The following ITIH3 variants were observed in gnomAD, a reference collection of about 807,000 sequenced individuals.
ITIH3 encodes inter-alpha-trypsin inhibitor heavy chain H3.
Under a neutral mutation model 96.5 loss-of-function variants are expected in ITIH3, and 81 were observed. The observed-to-expected ratio is 0.84, with a 90% confidence interval of 0.70 to 1.01. The LOEUF (loss-of-function observed/expected upper bound fraction) is 1.01, where lower values mean the gene tolerates loss of function less well. Ranked by LOEUF, ITIH3 falls within the 50% of genes least tolerant of loss-of-function variation. The pLI is 0.00. For missense variants in ITIH3, 1,057 were observed against 1,139.3 expected (o/e 0.93, Z 1.04); for synonymous variants, 422 against 445.2 (o/e 0.95, Z 0.66).
Position 52,801,015 on chromosome 3 carries a change from G to A in ITIH3, c.1252G>A (p.Gly418Ser), listed in dbSNP as rs1240868597. The change falls in exon 11 of 22, where the codon GGC becomes AGC. Residue 418 changes from glycine (G) to serine (S), a missense_variant. Gly to Ser is a moderately conservative substitution (Grantham distance 56, BLOSUM62 0). Coordinates refer to ENST00000449956, the MANE Select transcript of ITIH3 (RefSeq NM_002217.4). ...AGAGAATGTGCGGAATGCCATCGGG[G>A]GCAAGTTCCCCTTGTATAACCTGGG... The part of the protein sequence containing the change: ...IQENVRNAIG[G>S]KFPLYNLGFG... The A allele has an allele frequency of 3.1e-6, 5 of 1,613,926 alleles. No individual in the cohort carries two copies. The East Asian group carries it at 1.1e-4, about 36-fold the overall frequency.
intron 21 of ITIH3, 32 bp from the exon 22 acceptor site, chr3:52,808,520 C>A: frequency 6.2e-7 from 1 of 1,606,380 alleles, no homozygotes; most frequent in Non-Finnish European, 8.5e-7. Flanking sequence ...TTACCCACCC[C>A]GTGTATTGCA....
intron 9 of ITIH3, 146 bp from the exon 10 acceptor site, chr3:52,800,392 T>C: frequency 2.4e-6 from 2 of 850,816 alleles, no homozygotes; most frequent in East Asian, 2.7e-5. Context: ...GTTCATTCAT[T>C]GTTTGCTGAG....
At chr3:52,795,804 C>T (rs1360011241) in intron 2 of ITIH3, 181 bp downstream of exon 2, 2 of 588,996 alleles carry the variant, frequency 3.4e-6, no homozygotes, top group Non-Finnish European at 5.9e-6. Flanking sequence ...CACAGAGTGA[C>T]GACCCCTCCA....
chr3:52,795,677 G>C, intron 2 of ITIH3, 54 bp downstream of exon 2: 1 of 1,565,236 alleles, frequency 6.4e-7, no homozygotes, highest in Non-Finnish European at 8.8e-7. Context: ...GGATGGAGCT[G>C]GTTCCCCAAC....
At chr3:52,800,416 TG>T in intron 9 of ITIH3, 121 bp from the exon 10 acceptor site, 1 of 1,147,874 alleles carries the variant, frequency 8.7e-7, no homozygotes, top group Non-Finnish European at 1.2e-6. Flanking sequence ...CACCATGGGC[TG>T]GCAGATAGGG....
intron 5 of ITIH3, among the ~76,000 whole-genome samples, 190 bp from the exon 6 acceptor site, chr3:52,797,627 C>T (rs2154109446): frequency 6.6e-6 from 1 of 152,328 alleles, no homozygotes; most frequent in East Asian, 1.9e-4. Flanking sequence ...GGTGGTAACA[C>T]CTCCCGATCA....
intron 16 of ITIH3, 130 bp downstream of exon 16, chr3:52,805,970 C>A (rs377627653): frequency 1.4e-6 from 2 of 1,394,700 alleles, no homozygotes. Flanking sequence ...GAGGAGATTG[C>A]GGGGTGGGAG....
Position 52,796,649 on chromosome 3 carries a change from T to A in ITIH3, c.281+2T>A. ...GGCCTTCATCACCAACTTCACCTTGTGGGTACCACCATGGCTGCTGGCTCT... is the reference window on the plus strand; with the variant it reads ...GGCCTTCATCACCAACTTCACCTTGAGGGTACCACCATGGCTGCTGGCTCT... On this transcript the variant is annotated splice_donor_variant, in intron 3 of 21. Coordinates refer to ENST00000449956, the MANE Select transcript of ITIH3 (RefSeq NM_002217.4). LOFTEE classifies it high-confidence loss of function. The A allele has an allele frequency of 6.2e-7, 1 of 1,611,658 alleles. No homozygotes were observed. Among genetic ancestry groups the A allele is most frequent in the Admixed American group, 1.7e-5 (1 of 59,850 alleles).
intron 19 of ITIH3, 93 bp downstream of exon 19, chr3:52,807,198 C>G (rs1412629195): frequency 1.8e-6 from 2 of 1,091,088 alleles, no homozygotes; most frequent in African/African-American, 1.6e-5. Context: ...GACAGGAGAT[C>G]CATGGGGGTC....
At chr3:52,804,433 C>T (rs1699962935) in intron 14 of ITIH3, 1 of 461,798 alleles carries the variant, frequency 2.2e-6, no homozygotes, top group Non-Finnish European at 3.9e-6. Context: ...CCCCAGATTG[C>T]CCTACTCAAC....
chr3:52,797,191 A>G lies in ITIH3; in HGVS notation c.473A>G (p.Glu158Gly). The G allele has an allele frequency of 6.2e-7, 1 of 1,609,124 alleles. No homozygotes were observed. The highest frequency in any genetic ancestry group is 8.5e-7 in the Non-Finnish European group (1 of 1,177,940). Residue 158 changes from glutamate (E) to glycine (G), a missense_variant, in exon 5 of 22, where the codon GAG (glutamate) becomes GGG (glycine). By Grantham distance (98) the Glu-to-Gly change is moderately conservative. Transcript: ENST00000449956. ...SKVTFELTYE[E>G]LLKRHKGKYE... ...GTCACCTTCGAGCTAACCTACGAGG[A>G]GCTGCTGAAGAGGCACAAGGGCAAG... is the stretch of plus-strand genomic sequence containing the variant.
chr3:52,796,488 A>G lies in ITIH3; in HGVS notation c.122A>G (p.Asn41Ser), dbSNP rs569759721. Residue 41 changes from asparagine (N) to serine (S), a missense_variant, in exon 3 of 22, where the codon AAT becomes AGT. Asn to Ser is a conservative substitution (Grantham distance 46, BLOSUM62 1). Transcript: ENST00000449956. Reference sequence around the variant, plus strand: ...CCACCCACCTCCCCAAAGGTGGCCAATGGCATCGAGGTCTACAGTACCAAA... The same window carrying G: ...CCACCCACCTCCCCAAAGGTGGCCAGTGGCATCGAGGTCTACAGTACCAAA... The part of the protein sequence containing the change: ...GKRSLPEGVA[N>S]GIEVYSTKIN... 1.9e-5 allele frequency: 31 copies of G among 1,611,874 alleles called. No individual in the cohort carries two copies. The highest frequency in any genetic ancestry group is 1.3e-4 in the African/African-American group (10 of 74,976).
intron 15 of ITIH3, 52 bp downstream of exon 15, chr3:52,804,786 A>G: frequency 6.4e-7 from 1 of 1,566,042 alleles, no homozygotes; most frequent in Non-Finnish European, 8.7e-7. Flanking sequence ...GAGACAAGAG[A>G]GAACTGAGGA....
At position 52,803,947 on chromosome 3, in the gene ITIH3, T is replaced by G. The variant is rs1200784921; in HGVS notation, c.1802T>G (p.Met601Arg). Reference protein sequence around the residue: ...KYHFVTPLTSMVVTKPEDNED... With the variant: ...KYHFVTPLTSRVVTKPEDNED... ...CACTTTGTGACTCCACTGACCTCAA[T>G]GGTGGTGACCAAGCCTGAGGACAAC... The change falls in exon 14 of 22, where the codon ATG becomes AGG. Residue 601 changes from methionine to arginine, a missense_variant. Physicochemically the swap from Met to Arg is moderately conservative, Grantham distance 91 (BLOSUM62 -1). Coordinates refer to ENST00000449956, the MANE Select transcript of ITIH3 (RefSeq NM_002217.4). 1.9e-6 allele frequency: 3 copies of G among 1,613,854 alleles called. No homozygotes were observed. The African/African-American group carries it at 4.0e-5, about 22-fold the overall frequency.
At chr3:52,801,204 T>C (rs905169731) in intron 11 of ITIH3, 58 bp downstream of exon 11, 2 of 1,415,278 alleles carry the variant, frequency 1.4e-6, no homozygotes, top group African/African-American at 2.9e-5. Flanking sequence ...CTCAGACAGC[T>C]GCTCCATAAG....
chr3:52,800,717 CCTGGCTCTGTAG>C (rs2154109728), intron 10 of ITIH3, 54 bp downstream of exon 10: 1 of 1,578,886 alleles, frequency 6.3e-7, no homozygotes, highest in Non-Finnish European at 8.6e-7. Flanking sequence ...GGCTGCTGCT[CCTGGCTCTGTAG>C]CTGGCTCATT....
Position 52,796,512 on chromosome 3 carries a change from A to C in ITIH3, c.146A>C (p.Lys49Thr), listed in dbSNP as rs754735609. The C allele has an allele frequency of 3.1e-6, 5 of 1,613,060 alleles. No homozygotes were observed. The African/African-American group carries it at 6.7e-5, about 22-fold the overall frequency. The change falls in exon 3 of 22, where the codon AAA becomes ACA. Residue 49 changes from lysine (K) to threonine (T), a missense_variant. Coordinates refer to ENST00000449956, the MANE Select transcript of ITIH3 (RefSeq NM_002217.4). Reference sequence around the variant, plus strand: ...AATGGCATCGAGGTCTACAGTACCAAAATCAACTCCAAGGTGACCTCCCGT... The same window carrying C: ...AATGGCATCGAGGTCTACAGTACCACAATCAACTCCAAGGTGACCTCCCGT... ...VANGIEVYST[K>T]INSKVTSRFA...
chr3:52,794,986 G>A lies in ITIH3; in HGVS notation c.93+90G>A, dbSNP rs997877910. On this transcript the variant is annotated intron_variant, in intron 1 of 21. Coordinates refer to ENST00000449956, the MANE Select transcript of ITIH3 (RefSeq NM_002217.4). The stretch of plus-strand genomic sequence containing the variant: ...GCAAGGCCTCTGAGTGGAGTGAAGA[G>A]GAGGCAGAGGGCTGGGCACTGAGCT... 12 of 1,055,006 alleles carry A rather than the reference G, an allele frequency of 1.1e-5. No homozygotes were observed. The African/African-American group carries it at 1.6e-4, about 14-fold the overall frequency. 65.4% of individuals were successfully genotyped at this position (1,055,006 alleles called of 1,614,324 possible).
intron 14 of ITIH3, chr3:52,804,448 G>A (rs1488873217): frequency 1.0e-5 from 5 of 479,532 alleles, no homozygotes; most frequent in Non-Finnish European, 1.5e-5. Context: ...CTCAACAGGG[G>A]GTCCCAAATG....
Sources: allele counts gnomAD v4.1 joint callset (sites outside exome capture counted in the v4.1 genomes callset), GRCh38; gene constraint gnomAD v4.1.1; transcripts MANE v1.5; gene names NCBI Gene and HGNC (gene_info 2026-07-23, HGNC 2026-07-21).